MLLT1: variants seen among roughly 807,000 people sequenced by gnomAD.
MLLT1 encodes the protein protein ENL.
A neutral mutation model predicts 55.1 loss-of-function variants in MLLT1; 11 were observed. The observed-to-expected ratio is 0.20, with a 90% CI of 0.13 to 0.33. The LOEUF is 0.33. Among genes scored for constraint, MLLT1 ranks in the 10% least tolerant of loss-of-function variants. The pLI, the probability that MLLT1 is intolerant of heterozygous loss-of-function variation, is 1.00. For synonymous variants in MLLT1, 323 were observed against 320.1 expected (o/e 1.01, Z -0.10); for missense variants, 536 against 760.6 (o/e 0.70, Z 3.47).
intron 3 of MLLT1, among the ~76,000 whole-genome samples, chr19:6,251,288 G>A (rs2091211796): frequency 6.6e-6 from 1 of 152,212 alleles, no homozygotes; most frequent in African/African-American, 2.4e-5. Flanking sequence ...TGGGGGGATG[G>A]GGGTGCGGCG....
At chr19:6,249,487 A>G (rs1358522690) in intron 3 of MLLT1, among the ~76,000 whole-genome samples, 1 of 152,178 alleles carries the variant, frequency 6.6e-6, no homozygotes, top group Non-Finnish European at 1.5e-5. Flanking sequence ...CATCCGGGCC[A>G]CTGCCTTGTC....
Position 6,211,853 on chromosome 19 carries a change from T to C in MLLT1, c.*1189A>G, listed in dbSNP as rs2090775590. 9 of 1,063,188 alleles carry C rather than the reference T, an allele frequency of 8.5e-6. No individual in the cohort carries two copies. The South Asian group carries it at 3.6e-4, about 43-fold the overall frequency. The allele number at this position is 1,063,188 out of a possible 1,614,324, so 65.9% of individuals were successfully genotyped here. A position where few individuals can be genotyped will look rare whatever the true frequency, so the allele number is the denominator to read the frequency against. ...TGGAGAATCTCAGGCATACCAGGAG[T>C]GGGGCTGCGGGCGCGGCACCAGCAT... On this transcript the variant is annotated 3_prime_UTR_variant, in exon 12 of 12. Coordinates refer to ENST00000252674, the MANE Select transcript of MLLT1 (RefSeq NM_005934.4). This position sits in a 1 kb window ranked among gnomAD's most constrained non-coding sequence, Gnocchi z 4.6.
chr19:6,224,199 A>G (rs912060894), intron 5 of MLLT1, among the ~76,000 whole-genome samples: 1 of 152,228 alleles, frequency 6.6e-6, no homozygotes, highest in African/African-American at 2.4e-5. Flanking sequence ...CACAGCCCAC[A>G]TTCAGTGTCA....
chr19:6,213,974 G>A lies in MLLT1; in HGVS notation c.1372C>T (p.Pro458Ser). The change falls in exon 9 of 12, where the codon CCA becomes TCA. Residue 458 changes from proline (P) to serine (S), a missense_variant. By Grantham distance (74) the Pro-to-Ser change is moderately conservative. Transcript: ENST00000252674. Reference protein sequence around the residue: ...ADSSLPSREPPPPQKPPPPNS... With the variant: ...ADSSLPSREPSPPQKPPPPNS... ...GGCGGGGGTGGCTTCTGGGGGGGTG[G>A]GGGCTCACGGCTGGGCAGGGAGGAG... 1 of 1,463,722 alleles carries A rather than the reference G, an allele frequency of 6.8e-7. No individual in the cohort carries two copies. The highest frequency in any genetic ancestry group is 1.5e-5 in the South Asian group (1 of 66,566). The allele number at this position is 1,463,722 out of a possible 1,614,324, so 90.7% of individuals were successfully genotyped here.
chr19:6,246,400 T>C (rs1230657960), intron 3 of MLLT1, among the ~76,000 whole-genome samples: 3 of 152,152 alleles, frequency 2.0e-5, no homozygotes, highest in Non-Finnish European at 4.4e-5. Context: ...CTTCAACAGG[T>C]GAACGAATAA....
intron 3 of MLLT1, among the ~76,000 whole-genome samples, chr19:6,241,467 A>G (rs1286603174): frequency 7.1e-6 from 1 of 140,156 alleles, no homozygotes; most frequent in East Asian, 2.0e-4. Flanking sequence ...TATCAGGTAC[A>G]TGCCGAGATA....
At position 6,267,762 on chromosome 19, in the gene MLLT1, C is replaced by T. The variant is rs547556454; in HGVS notation, c.193+2817G>A. Among the ~76,000 whole-genome samples the T allele has an allele frequency of 5.3e-5, 8 of 152,236 alleles. No individual in the cohort carries two copies. The South Asian group carries it at 1.2e-3, about 24-fold the overall frequency. On this transcript the variant is annotated intron_variant, in intron 2 of 11. Coordinates refer to ENST00000252674, the MANE Select transcript of MLLT1 (RefSeq NM_005934.4). ...TTACAGTCAATCTATAATCGGGGAG[C>T]GAAGGTCTTGGTCTTCGTCAATAAG...
At chr19:6,277,227 G>C (rs778911342) in intron 1 of MLLT1, among the ~76,000 whole-genome samples, 5 of 152,162 alleles carry the variant, frequency 3.3e-5, no homozygotes, top group Non-Finnish European at 7.3e-5. Flanking sequence ...AGAACCCTTG[G>C]GCCTCTCTCA....
Position 6,219,976 on chromosome 19 carries a change from C to T in MLLT1, c.1111-1935G>A, listed in dbSNP as rs916084497. On this transcript the variant is annotated intron_variant, in intron 6 of 11. Transcript: ENST00000252674. This position sits in a 1 kb window ranked among gnomAD's most constrained non-coding sequence, Gnocchi z 4.5. ...AAGGTGGTGTGATCAGAAGGGCCAC[C>T]GGAGCACGCCCGGGGCTCAGAGGGA... is the stretch of plus-strand genomic sequence containing the variant. Among the ~76,000 whole-genome samples the T allele has an allele frequency of 1.3e-5, 2 of 152,234 alleles. No individual in the cohort carries two copies. The highest frequency in any genetic ancestry group is 1.9e-4 in the East Asian group (1 of 5,202).
chr19:6,275,295 G>C (rs2091422411), intron 1 of MLLT1, among the ~76,000 whole-genome samples: 1 of 152,208 alleles, frequency 6.6e-6, no homozygotes, highest in Non-Finnish European at 1.5e-5. Context: ...CATCCCAGGA[G>C]AGGAGAACAC....
intron 3 of MLLT1, among the ~76,000 whole-genome samples, chr19:6,245,080 C>T: frequency 6.6e-6 from 1 of 152,060 alleles, no homozygotes; most frequent in African/African-American, 2.4e-5. Flanking sequence ...TTGGCTCACG[C>T]CTATAATCTC....
intron 3 of MLLT1, among the ~76,000 whole-genome samples, chr19:6,254,219 C>A (rs1490598468): frequency 6.6e-6 from 1 of 152,218 alleles, no homozygotes; most frequent in Non-Finnish European, 1.5e-5. Flanking sequence ...ACAATGGAGT[C>A]TCCATAAACA....
chr19:6,213,500 A>G, intron 10 of MLLT1, 92 bp from the exon 11 acceptor site: 1 of 1,204,400 alleles, frequency 8.3e-7, no homozygotes, highest in Non-Finnish European at 1.2e-6. Flanking sequence ...AGTCCATCCC[A>G]GCACAGGACA....
At chr19:6,258,084 C>T (rs921463690) in intron 3 of MLLT1, among the ~76,000 whole-genome samples, 1 of 152,154 alleles carries the variant, frequency 6.6e-6, no homozygotes, top group African/African-American at 2.4e-5. Flanking sequence ...AGCAGTTCCT[C>T]AGAAAGCTAA....
Position 6,226,682 on chromosome 19 carries a change from T to C in MLLT1, c.546+295A>G. ...CAGCCTTCGGCGAAGGTCTCAGGGC[T>C]TCAGGCCGAGCAGTCCTGGGGCCCT... On this transcript the variant is annotated intron_variant, in intron 5 of 11. Coordinates refer to ENST00000252674, the MANE Select transcript of MLLT1 (RefSeq NM_005934.4). This position sits in a 1 kb window ranked among gnomAD's most constrained non-coding sequence, Gnocchi z 6.3. 6.6e-6 allele frequency among the ~76,000 whole-genome samples: 1 copy of C among 152,120 alleles called. No homozygotes were observed.
chr19:6,236,480 C>T lies in MLLT1; in HGVS notation c.277-5767G>A, dbSNP rs113437174. Among the ~76,000 whole-genome samples, 408 of 152,222 alleles carry T rather than the reference C, an allele frequency of 2.7e-3. 2 individuals are homozygous for T. Among genetic ancestry groups the T allele is most frequent in the African/African-American group, 9.4e-3 (389 of 41,532 alleles). ...ACAAACCAAACAGGGAAGGCAGCCA[C>T]GACGAGGAGACCCGGCATGTTCACA... is the stretch of plus-strand genomic sequence containing the variant. On this transcript the variant is annotated intron_variant, in intron 3 of 11. Coordinates refer to ENST00000252674, the MANE Select transcript of MLLT1 (RefSeq NM_005934.4).
Position 6,244,240 on chromosome 19 carries a change from G to C in MLLT1, c.277-13527C>G, listed in dbSNP as rs576257754. Among the ~76,000 whole-genome samples, 18 of 151,974 alleles carry C rather than the reference G, an allele frequency of 1.2e-4. No homozygotes were observed. The South Asian group carries it at 3.7e-3, about 32-fold the overall frequency. ...AGTCTGTGAACTCCACAAGAGAGGG[G>C]AACGTGTTCACTTGGTCTTCACTGG... On this transcript the variant is annotated intron_variant, in intron 3 of 11. Coordinates refer to ENST00000252674, the MANE Select transcript of MLLT1 (RefSeq NM_005934.4).
Position 6,235,574 on chromosome 19 carries a change from C to T in MLLT1, c.277-4861G>A, listed in dbSNP as rs941575075. Among the ~76,000 whole-genome samples, 5 of 152,122 alleles carry T rather than the reference C, an allele frequency of 3.3e-5. No individual in the cohort carries two copies. Among genetic ancestry groups the T allele is most frequent in the African/African-American group, 4.8e-5 (2 of 41,434 alleles). ...GCCTGGCACAGGGCACCCTGGGGCT[C>T]GGAACTGGGTCCTCTCCTCTCCACA... On this transcript the variant is annotated intron_variant, in intron 3 of 11. Transcript: ENST00000252674. This position sits in a 1 kb window ranked among gnomAD's most constrained non-coding sequence, Gnocchi z 5.5.
chr19:6,243,519 C>T (rs553549229), intron 3 of MLLT1, among the ~76,000 whole-genome samples: 39 of 152,320 alleles, frequency 2.6e-4, no homozygotes, highest in African/African-American at 7.2e-4. Flanking sequence ...TCTGAAGCCA[C>T]GGCCACAGAG....
Sources: gnomAD v4.1 joint callset for allele counts (sites outside exome capture counted in the v4.1 genomes callset) on GRCh38, gnomAD v4.1.1 for gene constraint, Gnocchi (gnomAD v3.1) non-coding constraint, MANE v1.5 for transcripts, NCBI Gene and HGNC (gene_info 2026-07-23, HGNC 2026-07-21) for gene names.